Variants in DPP6 observed in about 807,000 individuals in gnomAD.
DPP6 encodes the protein dipeptidyl peptidase like 6, also known as A-type potassium channel modulatory protein DPP6.
In DPP6, 69 loss-of-function variants were observed where a neutral mutation model predicts 122.6. The ratio of observed to expected loss-of-function variants is 0.56; its 90% CI spans 0.46 to 0.69. The LOEUF is 0.69. Among genes scored for constraint, DPP6 ranks in the 30% least tolerant of loss-of-function variants. The pLI is 0.00. For synonymous variants in DPP6, 418 were observed against 433.1 expected (o/e 0.97, Z 0.43); for missense variants, 928 against 1,116.9 (o/e 0.83, Z 2.41).
intron 1 of DPP6, among the ~76,000 whole-genome samples, chr7:153,965,071 CAA>C (rs1795623588): frequency 6.8e-6 from 1 of 147,300 alleles, no homozygotes; most frequent in Admixed American, 7.0e-5. Flanking sequence ...TTAATTGTGA[CAA>C]ACCTATTAAT....
intron 4 of DPP6, among the ~76,000 whole-genome samples, chr7:154,545,917 A>G (rs1485466847): frequency 6.6e-6 from 1 of 152,206 alleles, no homozygotes; most frequent in Non-Finnish European, 1.5e-5. Flanking sequence ...AAGCATTAAG[A>G]TTTATATAGT....
At chr7:153,806,950 T>C in the DPP6 span, among the ~76,000 whole-genome samples, 3 of 152,156 alleles carry the variant, frequency 2.0e-5, no homozygotes, top group Admixed American at 1.3e-4. Flanking sequence ...CTATTAAATA[T>C]GATTTAACTG....
chr7:154,338,253 T>C (rs1809606544), intron 1 of DPP6, among the ~76,000 whole-genome samples: 1 of 152,188 alleles, frequency 6.6e-6, no homozygotes, highest in Non-Finnish European at 1.5e-5. Flanking sequence ...TCCAAGAATC[T>C]TGATGTCCCA....
chr7:154,012,093 C>T (rs1798180281), intron 1 of DPP6, among the ~76,000 whole-genome samples: 1 of 152,126 alleles, frequency 6.6e-6, no homozygotes, highest in Admixed American at 6.6e-5. Context: ...AACTGAGGCT[C>T]AGAAACATTA....
intron 1 of DPP6, among the ~76,000 whole-genome samples, chr7:154,366,008 C>CT (rs1563551986): frequency 6.6e-6 from 1 of 151,114 alleles, no homozygotes; most frequent in Non-Finnish European, 1.5e-5. Flanking sequence ...AGCCTTGTCT[C>CT]TATCTTCCGG....
chr7:154,487,082 A>T (rs1823861305), intron 3 of DPP6, among the ~76,000 whole-genome samples: 1 of 152,202 alleles, frequency 6.6e-6, no homozygotes, highest in Non-Finnish European at 1.5e-5. Flanking sequence ...CCAAGACTGA[A>T]ATCGCGTTTC....
intron 1 of DPP6, among the ~76,000 whole-genome samples, chr7:154,270,356 G>GA (rs920340605): frequency 1.3e-5 from 2 of 152,060 alleles, no homozygotes; most frequent in African/African-American, 4.8e-5. Context: ...TGATAATATA[G>GA]AAAAAACCAT....
intron 1 of DPP6, among the ~76,000 whole-genome samples, chr7:154,351,483 G>T (rs1386430821): frequency 6.6e-6 from 1 of 152,088 alleles, no homozygotes; most frequent in Non-Finnish European, 1.5e-5. Context: ...ATCAAAAGGG[G>T]TGGCCTCCCA....
chr7:154,832,386 G>A (rs757567546), intron 16 of DPP6, among the ~76,000 whole-genome samples: 5 of 152,150 alleles, frequency 3.3e-5, no homozygotes, highest in African/African-American at 1.2e-4. Context: ...AAGAGGCATC[G>A]TGCTAGACCT....
intron 5 of DPP6, among the ~76,000 whole-genome samples, chr7:154,571,937 G>C (rs929619713): frequency 6.6e-6 from 1 of 152,108 alleles, no homozygotes; most frequent in Non-Finnish European, 1.5e-5. Context: ...TTGCACTCAG[G>C]GTCTTCTATA....
chr7:153,941,258 C>T (rs1372769406), intron 1 of DPP6, among the ~76,000 whole-genome samples: 2 of 152,236 alleles, frequency 1.3e-5, no homozygotes, highest in East Asian at 3.9e-4. Context: ...TGGCACCAGA[C>T]AGCCTCGGGG....
intron 1 of DPP6, among the ~76,000 whole-genome samples, chr7:154,394,014 T>G (rs535921599): frequency 6.6e-6 from 1 of 152,266 alleles, no homozygotes; most frequent in Non-Finnish European, 1.5e-5. Flanking sequence ...TTCCATTGTA[T>G]GTGTATGTTA....
At chr7:154,517,063 G>A (rs1014950472) in intron 3 of DPP6, among the ~76,000 whole-genome samples, 3 of 152,180 alleles carry the variant, frequency 2.0e-5, no homozygotes, top group Admixed American at 2.0e-4. Flanking sequence ...CATGAAAGCA[G>A]AATGACACAT....
intron 1 of DPP6, among the ~76,000 whole-genome samples, chr7:154,023,724 C>T (rs1435118593): frequency 1.3e-5 from 2 of 152,070 alleles, no homozygotes; most frequent in Non-Finnish European, 2.9e-5. Context: ...TCAGGTGATT[C>T]GCTCGCCTTG....
chr7:153,930,405 C>A (rs1801116431), intron 1 of DPP6, among the ~76,000 whole-genome samples: 8 of 152,166 alleles, frequency 5.3e-5, no homozygotes, highest in Admixed American at 5.2e-4. Context: ...ACTTAGAAAC[C>A]AGCATCCTCT....
At chr7:153,943,262 T>G (rs1801782861) in intron 1 of DPP6, among the ~76,000 whole-genome samples, 1 of 152,218 alleles carries the variant, frequency 6.6e-6, no homozygotes, top group African/African-American at 2.4e-5. Flanking sequence ...GGAGATATTT[T>G]CGGGCAGAGG....
At chr7:153,813,395 T>C in the DPP6 span, among the ~76,000 whole-genome samples, 1 of 152,184 alleles carries the variant, frequency 6.6e-6, no homozygotes, top group African/African-American at 2.4e-5. Flanking sequence ...ATGGTATATA[T>C]GTGCCACATT....
the DPP6 span, among the ~76,000 whole-genome samples, chr7:153,850,467 A>G: frequency 6.6e-6 from 1 of 152,252 alleles, no homozygotes; most frequent in Admixed American, 6.5e-5. Context: ...TAATGCAAGC[A>G]TACATACATC....
intron 1 of DPP6, among the ~76,000 whole-genome samples, chr7:154,399,915 T>C (rs1165378911): frequency 1.3e-5 from 2 of 152,154 alleles, no homozygotes; most frequent in South Asian, 2.1e-4. Flanking sequence ...GAAATATGTA[T>C]ATATGAAAAT....
Sources: gnomAD v4.1 joint callset for allele counts (sites outside exome capture counted in the v4.1 genomes callset) on GRCh38, gnomAD v4.1.1 for gene constraint, MANE v1.5 for transcripts, NCBI Gene and HGNC (gene_info 2026-07-23, HGNC 2026-07-21) for gene names.